Variants in KCNC2 observed in about 807,000 individuals in gnomAD.
KCNC2 encodes the protein voltage-gated potassium channel KCNC2.
KCNC2 carries 21 observed loss-of-function variants against 44.5 expected under a neutral mutation model. That is an observed-to-expected ratio of 0.47 (90% CI 0.33 to 0.68). The LOEUF is 0.68. KCNC2 is among the 30% of genes least tolerant of loss of function. The probability of loss-of-function intolerance (pLI) is 0.01; values close to 1 mark genes in which losing one functional copy is unlikely to be tolerated. For synonymous variants in KCNC2, 391 were observed against 339.1 expected, an observed-to-expected ratio of 1.15 and a Z score of -1.68; for missense variants, 589 against 826.2, an observed-to-expected ratio of 0.71 and a Z score of 3.52.
Position 75,107,476 on chromosome 12 carries a change from C to T in KCNC2, c.688-56159G>A, listed in dbSNP as rs1409756765. ...CTATGTGTTATCTGAAATGTTTACT[C>T]TATTCACTAACCGCTGTCAGAAAAG... On this transcript the variant is annotated intron_variant, in intron 2 of 4. Coordinates refer to ENST00000549446, the MANE Select transcript of KCNC2 (RefSeq NM_139137.4). Among the ~76,000 whole-genome samples the T allele has an allele frequency of 5.3e-5, 8 of 152,226 alleles. No homozygotes were observed. In the South Asian group the frequency reaches 1.5e-3, roughly 28 times the overall value.
At position 75,207,624 on chromosome 12, in the gene KCNC2, G is replaced by A; in HGVS notation, c.360C>T (p.Thr120=). 4.3e-6 allele frequency: 7 copies of A among 1,611,948 alleles called. No individual in the cohort carries two copies. The highest frequency in any genetic ancestry group is 5.9e-6 in the Non-Finnish European group (7 of 1,179,846). The change falls in exon 2 of 5, where the codon ACC becomes ACT. Residue 120 remains threonine, a synonymous_variant. Coordinates refer to ENST00000549446, the MANE Select transcript of KCNC2 (RefSeq NM_139137.4). This position sits in a 1 kb window ranked among gnomAD's most constrained non-coding sequence, Gnocchi z 4.1. ...CGTCTGCGGGGCAGTGCAGCTTGCC[G>A]GTGCGGTAGTAATTGAGCACATAGG... ...VFAYVLNYYR[T]GKLHCPADVC...
intron 2 of KCNC2, among the ~76,000 whole-genome samples, chr12:75,198,808 A>G (rs2030994488): frequency 6.6e-6 from 1 of 151,804 alleles, no homozygotes; most frequent in South Asian, 2.1e-4. Flanking sequence ...AATTTTACAT[A>G]AATTCTGAAT....
In KCNC2 at chr12:75,043,032, T is replaced by C; in HGVS notation, c.*73A>G. The C allele has an allele frequency of 6.3e-7, 1 of 1,584,686 alleles. No homozygotes were observed. Among genetic ancestry groups the C allele is most frequent in the Non-Finnish European group, 8.6e-7 (1 of 1,165,532 alleles). On this transcript the variant is annotated 3_prime_UTR_variant, in exon 5 of 5. Transcript: ENST00000549446. Reference sequence around the variant, plus strand: ...GAGCCTGGAGTAACTCTACATTTAATTATTTCCATTATGGGGTAAACAGCA... The same window carrying C: ...GAGCCTGGAGTAACTCTACATTTAACTATTTCCATTATGGGGTAAACAGCA...
chr12:75,091,112 A>T (rs1036256769), intron 2 of KCNC2, among the ~76,000 whole-genome samples: 3 of 151,692 alleles, frequency 2.0e-5, no homozygotes, highest in Non-Finnish European at 4.4e-5. Context: ...TGATGCAAAG[A>T]TCACATTTGT....
intron 2 of KCNC2, among the ~76,000 whole-genome samples, chr12:75,191,297 GA>G (rs2030184033): frequency 6.6e-6 from 1 of 151,532 alleles, no homozygotes; most frequent in South Asian, 2.1e-4. Context: ...TAGAGAAAAT[GA>G]ATTAACTAAA....
chr12:75,068,120 T>C (rs1265242794), intron 2 of KCNC2, among the ~76,000 whole-genome samples: 1 of 152,146 alleles, frequency 6.6e-6, no homozygotes, highest in Non-Finnish European at 1.5e-5. Flanking sequence ...TCTGGAGGGA[T>C]AGACCCAGAT....
chr12:75,161,753 T>A (rs1891139449), intron 2 of KCNC2, among the ~76,000 whole-genome samples: 1 of 151,738 alleles, frequency 6.6e-6, no homozygotes, highest in South Asian at 2.1e-4. Flanking sequence ...TGCTTTTAAC[T>A]AGGAAATATA....
At chr12:75,193,017 T>C (rs1297983764) in intron 2 of KCNC2, among the ~76,000 whole-genome samples, 1 of 152,160 alleles carries the variant, frequency 6.6e-6, no homozygotes, top group Non-Finnish European at 1.5e-5. Context: ...TTGTACCCTA[T>C]AAATATCTAC....
rs112011623 is a variant in KCNC2 at position 75,041,943 on chromosome 12, T to C, written c.*1162A>G. On this transcript the variant is annotated 3_prime_UTR_variant, in exon 5 of 5. Transcript: ENST00000549446. ...CTGTGCTTCATGGAGACAGATGGCA[T>C]ATACAGGAAAGACAGGGAGCTAAGA... 1.0e-6 allele frequency: 1 copy of C among 1,004,988 alleles called. No individual in the cohort carries two copies. The highest frequency in any genetic ancestry group is 1.2e-6 in the Non-Finnish European group (1 of 843,262). 62.3% of individuals were successfully genotyped at this position (1,004,988 alleles called of 1,614,324 possible).
chr12:75,079,100 A>G (rs1884253839), intron 2 of KCNC2, among the ~76,000 whole-genome samples: 1 of 152,158 alleles, frequency 6.6e-6, no homozygotes, highest in Non-Finnish European at 1.5e-5. Context: ...GTTTTAACTT[A>G]GATTTTAGAA....
chr12:75,180,676 T>A (rs1434380204), intron 2 of KCNC2, among the ~76,000 whole-genome samples: 1 of 151,860 alleles, frequency 6.6e-6, no homozygotes, highest in Non-Finnish European at 1.5e-5. Flanking sequence ...CATACTATAT[T>A]TATAAGTGAG....
chr12:75,143,857 G>T (rs1889829908), intron 2 of KCNC2, among the ~76,000 whole-genome samples: 1 of 152,124 alleles, frequency 6.6e-6, no homozygotes, highest in African/African-American at 2.4e-5. Flanking sequence ...TGTATAATTT[G>T]TTTGGATGGG....
At chr12:75,068,655 A>T (rs1210424795) in intron 2 of KCNC2, among the ~76,000 whole-genome samples, 2 of 152,220 alleles carry the variant, frequency 1.3e-5, no homozygotes, top group Admixed American at 1.3e-4. Flanking sequence ...CAGGAACATT[A>T]AAAAAGGGAT....
chr12:75,047,356 T>A (rs1394729844), intron 4 of KCNC2, among the ~76,000 whole-genome samples: 1 of 152,036 alleles, frequency 6.6e-6, no homozygotes, highest in Non-Finnish European at 1.5e-5. Flanking sequence ...TTTAGACAGT[T>A]GGTACAATCA....
chr12:75,073,385 A>G (rs7294772), intron 2 of KCNC2, among the ~76,000 whole-genome samples: 135,032 of 152,186 alleles, frequency 0.89, 59,958 homozygotes, highest in Admixed American at 0.91. Context: ...TTCAGTACCA[A>G]TTTATGAAGC....
At chr12:75,143,198 C>T (rs565079877) in intron 2 of KCNC2, among the ~76,000 whole-genome samples, 21 of 152,302 alleles carry the variant, frequency 1.4e-4, no homozygotes, top group Non-Finnish European at 3.1e-4. Context: ...CCCTACAAGT[C>T]TCACTTCCCT....
intron 2 of KCNC2, among the ~76,000 whole-genome samples, chr12:75,185,235 G>A (rs1309766102): frequency 2.6e-5 from 4 of 152,040 alleles, no homozygotes; most frequent in Non-Finnish European, 4.4e-5. Context: ...CAGTGATAAC[G>A]CAGGCTACTA....
chr12:75,120,555 C>T (rs1468459702), intron 2 of KCNC2, among the ~76,000 whole-genome samples: 1 of 152,160 alleles, frequency 6.6e-6, no homozygotes, highest in Non-Finnish European at 1.5e-5. Context: ...TCTGAAGCTG[C>T]TTGGAGTAAG....
At chr12:75,072,270 G>T (rs1168080057) in intron 2 of KCNC2, among the ~76,000 whole-genome samples, 1 of 152,020 alleles carries the variant, frequency 6.6e-6, no homozygotes, top group African/African-American at 2.4e-5. Context: ...TGACAGTTTT[G>T]AGCACTGTGT....
Sources: gnomAD v4.1 joint callset for allele counts (sites outside exome capture counted in the v4.1 genomes callset) on GRCh38, gnomAD v4.1.1 for gene constraint, Gnocchi (gnomAD v3.1) non-coding constraint, MANE v1.5 for transcripts, NCBI Gene and HGNC (gene_info 2026-07-23, HGNC 2026-07-21) for gene names.